The following TLK2 variants were observed in gnomAD, a reference collection of about 807,000 sequenced individuals.
TLK2 encodes serine/threonine-protein kinase tousled-like 2.
TLK2 carries 6 observed loss-of-function variants against 117.3 expected under a neutral mutation model. The observed-to-expected ratio is 0.05, with a 90% CI of 0.03 to 0.10. TLK2 has a LOEUF of 0.10. TLK2 is among the 10% of genes least tolerant of loss of function. TLK2 has a pLI of 1.00. For synonymous variants in TLK2, 257 were observed against 316.7 expected (o/e 0.81, Z 2.00); for missense variants, 299 against 901.2 (o/e 0.33, Z 8.56).
At chr17:62,603,248 A>G (rs990138539) in intron 19 of TLK2, among the ~76,000 whole-genome samples, 1 of 152,202 alleles carries the variant, frequency 6.6e-6, no homozygotes, top group African/African-American at 2.4e-5. Context: ...GAAGCCTGCC[A>G]ATAACACCAT....
chr17:62,606,650 A>T (rs992256745), intron 20 of TLK2, among the ~76,000 whole-genome samples: 1 of 152,168 alleles, frequency 6.6e-6, no homozygotes, highest in African/African-American at 2.4e-5. Context: ...CATTAGTTGA[A>T]CCTATTATTA....
chr17:62,522,823 T>G (rs995757958), intron 4 of TLK2, among the ~76,000 whole-genome samples: 3 of 152,226 alleles, frequency 2.0e-5, no homozygotes, highest in Non-Finnish European at 4.4e-5. Context: ...TCTTGTTGCA[T>G]CCTTCTTATC....
chr17:62,548,227 CAT>C lies in TLK2; in HGVS notation c.532-4062_532-4061del, dbSNP rs760251145. ...TTTTGCATTTTACTTATCATTGGGCCATATATATATATATGTGTGTGTGTGTG... is the reference window on the plus strand; with the variant it reads ...TTTTGCATTTTACTTATCATTGGGCCATATATATATATGTGTGTGTGTGTG... On this transcript the variant is annotated intron_variant, in intron 7 of 21. Transcript: ENST00000346027. 1.4e-4 allele frequency among the ~76,000 whole-genome samples: 19 copies of C among 132,242 alleles called. 1 individual carries two copies. The highest frequency in any genetic ancestry group is 3.1e-4 in the Admixed American group (4 of 12,852). The allele number at this position is 132,242 out of a possible 152,430, so 86.8% of individuals were successfully genotyped here.
intron 2 of TLK2, among the ~76,000 whole-genome samples, chr17:62,513,582 C>T (rs1322831130): frequency 6.6e-6 from 1 of 152,128 alleles, no homozygotes; most frequent in Non-Finnish European, 1.5e-5. Flanking sequence ...GCTATCCTCC[C>T]ACCTCATGCT....
chr17:62,507,373 A>C (rs1246072640), intron 2 of TLK2: 1 of 152,170 alleles, frequency 6.6e-6, no homozygotes, highest in Non-Finnish European at 1.5e-5. Context: ...CATCTGTTTC[A>C]CTTCTAGGAA....
intron 17 of TLK2, among the ~76,000 whole-genome samples, chr17:62,598,097 G>A (rs1231263219): frequency 6.6e-6 from 1 of 152,142 alleles, no homozygotes; most frequent in African/African-American, 2.4e-5. Context: ...TTCTCATTTG[G>A]GTAGCCCTGG....
At chr17:62,610,488 A>G (rs1384504439) in intron 21 of TLK2, among the ~76,000 whole-genome samples, 2 of 152,256 alleles carry the variant, frequency 1.3e-5, no homozygotes, top group Admixed American at 6.5e-5. Context: ...GACACATGTT[A>G]TGAAGAAATA....
At chr17:62,558,936 A>G (rs1417250715) in intron 9 of TLK2, among the ~76,000 whole-genome samples, 2 of 152,262 alleles carry the variant, frequency 1.3e-5, no homozygotes, top group Non-Finnish European at 2.9e-5. Context: ...TTAGGAACAC[A>G]TAACAGGTTT....
chr17:62,586,365 T>G, intron 16 of TLK2, 139 bp downstream of exon 16: 1 of 629,390 alleles, frequency 1.6e-6, no homozygotes, highest in Non-Finnish European at 2.8e-6. Context: ...ATAAATACAT[T>G]CTCAGTGTTA....
At chr17:62,531,289 A>T (rs1377010903) in intron 6 of TLK2, among the ~76,000 whole-genome samples, 1 of 151,592 alleles carries the variant, frequency 6.6e-6, no homozygotes, top group Admixed American at 6.6e-5. Flanking sequence ...TCTTGTCTTT[A>T]TATACTCCAT....
intron 2 of TLK2, chr17:62,507,281 GAAAA>G (rs900678568): frequency 6.9e-6 from 1 of 144,858 alleles, no homozygotes; most frequent in Non-Finnish European, 1.5e-5. Flanking sequence ...CTCAAAAAAA[GAAAA>G]AAAAAAGGTA....
chr17:62,549,312 C>T (rs578199335), intron 7 of TLK2, among the ~76,000 whole-genome samples: 33 of 135,246 alleles, frequency 2.4e-4, no homozygotes, highest in African/African-American at 4.1e-4. Context: ...GTCAGGAGAA[C>T]GGCGTGAACC....
chr17:62,513,318 C>CTTTTT (rs35309536), intron 2 of TLK2, among the ~76,000 whole-genome samples: 8 of 99,856 alleles, frequency 8.0e-5, no homozygotes, highest in Non-Finnish European at 1.2e-4. Flanking sequence ...ATTAAATTGC[C>CTTTTT]TTTTTTTTTT....
intron 2 of TLK2, among the ~76,000 whole-genome samples, chr17:62,512,973 G>A (rs1488218081): frequency 3.3e-5 from 5 of 150,668 alleles, no homozygotes; most frequent in African/African-American, 1.2e-4. Context: ...CTGCCTCCCA[G>A]GTTCAAGCGA....
intron 14 of TLK2, 83 bp downstream of exon 14, chr17:62,578,657 C>T: frequency 9.3e-7 from 1 of 1,074,066 alleles, no homozygotes; most frequent in South Asian, 1.4e-5. Context: ...AATGTGTTTG[C>T]TTAATGTAAG....
chr17:62,522,620 T>G (rs957796497), intron 4 of TLK2, among the ~76,000 whole-genome samples: 1 of 152,248 alleles, frequency 6.6e-6, no homozygotes, highest in Admixed American at 6.5e-5. Context: ...GACAGCCAGC[T>G]AAAAGTGCTT....
chr17:62,578,214 T>TA (rs1224366901), intron 13 of TLK2, among the ~76,000 whole-genome samples: 1 of 152,200 alleles, frequency 6.6e-6, no homozygotes, highest in Non-Finnish European at 1.5e-5. Flanking sequence ...TAGTGGTTAT[T>TA]ACATCTCAGG....
chr17:62,566,504 T>C (rs906967692), intron 11 of TLK2, among the ~76,000 whole-genome samples: 3 of 152,198 alleles, frequency 2.0e-5, no homozygotes, highest in African/African-American at 7.2e-5. Context: ...TTTTGGTGTG[T>C]GAAGAGGCTT....
At chr17:62,549,418 A>AAAAAAAAAAAAAAAAAAAAAG (rs1598512121) in intron 7 of TLK2, among the ~76,000 whole-genome samples, 1 of 8,536 alleles carries the variant, frequency 1.2e-4, no homozygotes, top group African/African-American at 1.6e-4. Context: ...AAAAAAAAAA[A>AAAAAAAAAAAAAAAAAAAAAG]AAAAAAAAAA....
Sources: gnomAD v4.1 joint callset for allele counts (sites outside exome capture counted in the v4.1 genomes callset) on GRCh38, gnomAD v4.1.1 for gene constraint, MANE v1.5 for transcripts, NCBI Gene and HGNC (gene_info 2026-07-23, HGNC 2026-07-21) for gene names.